Variants in ACTN4 observed in about 807,000 individuals in gnomAD.
ACTN4 encodes actinin alpha 4.
Under a neutral mutation model 114.2 loss-of-function variants are expected in ACTN4, and 18 were observed. That is an observed-to-expected ratio of 0.16 (90% confidence interval 0.11 to 0.23). The LOEUF (loss-of-function observed/expected upper bound fraction) is 0.23. Ranked by LOEUF, ACTN4 falls within the 10% of genes least tolerant of loss-of-function variation. The probability of loss-of-function intolerance (pLI) is 1.00; values close to 1 mark genes in which losing one functional copy is unlikely to be tolerated. For missense variants in ACTN4, 722 were observed against 1,262.9 expected, an observed-to-expected ratio of 0.57 and a Z score of 6.49; for synonymous variants, 515 against 506.3, an observed-to-expected ratio of 1.02 and a Z score of -0.23.
At chr19:38,710,818 G>A (rs1709165301) in intron 8 of ACTN4, 3 of 279,428 alleles carry the variant, frequency 1.1e-5, no homozygotes, top group South Asian at 7.3e-5. Flanking sequence ...AAGGCCCTGA[G>A]ACAGGAAGAA....
chr19:38,684,737 T>C (rs1967688196), intron 1 of ACTN4, among the ~76,000 whole-genome samples: 1 of 152,146 alleles, frequency 6.6e-6, no homozygotes, highest in East Asian at 1.9e-4. Flanking sequence ...GGCTATAGAA[T>C]CCTATTTTGA....
Position 38,717,859 on chromosome 19 carries a change from C to G in ACTN4, c.1144-68C>G, listed in dbSNP as rs1968896010. Reference sequence around the variant, plus strand: ...TTCTGCCACCTTCCCATCAGCATCCCTTGGAGACATCCCCCTGGGTGCCTC... The same window carrying G: ...TTCTGCCACCTTCCCATCAGCATCCGTTGGAGACATCCCCCTGGGTGCCTC... On this transcript the variant is annotated intron_variant, in intron 10 of 20. Transcript: ENST00000252699. This position sits in a 1 kb window ranked among gnomAD's most constrained non-coding sequence, Gnocchi z 4.0. 6.5e-7 allele frequency: 1 copy of G among 1,547,684 alleles called. No individual in the cohort carries two copies. Among genetic ancestry groups the G allele is most frequent in the Admixed American group, 2.0e-5 (1 of 51,210 alleles).
In ACTN4 at chr19:38,699,520, C is replaced by T. The variant is rs555582227; in HGVS notation, c.163-1080C>T. On this transcript the variant is annotated intron_variant, in intron 1 of 20. Coordinates refer to ENST00000252699, the MANE Select transcript of ACTN4 (RefSeq NM_004924.6). ...CTGTAATCCCAGCAGTTTGGGAGAC[C>T]GAGGCGGGTAGATCACTTGAGGCCA... Among the ~76,000 whole-genome samples the T allele has an allele frequency of 2.6e-4, 40 of 152,070 alleles. No homozygotes were observed. The South Asian group carries it at 5.0e-3, about 19-fold the overall frequency.
intron 8 of ACTN4, among the ~76,000 whole-genome samples, chr19:38,712,609 G>A (rs1177283618): frequency 6.6e-6 from 1 of 152,052 alleles, no homozygotes; most frequent in African/African-American, 2.4e-5. Flanking sequence ...TGTTTGGAGT[G>A]TTCTGCTAGA....
At chr19:38,703,796 G>A (rs2145004739) in intron 3 of ACTN4, among the ~76,000 whole-genome samples, 1 of 152,198 alleles carries the variant, frequency 6.6e-6, no homozygotes, top group East Asian at 1.9e-4. Context: ...CTGGGTGGCG[G>A]GTTGGGGAGC....
chr19:38,716,194 C>T (rs535627786), intron 9 of ACTN4, among the ~76,000 whole-genome samples: 22 of 152,352 alleles, frequency 1.4e-4, no homozygotes, highest in African/African-American at 4.6e-4. Flanking sequence ...TGTGAACCAG[C>T]GTGCCTGGCC....
chr19:38,712,496 C>A (rs1968689561), intron 8 of ACTN4, among the ~76,000 whole-genome samples: 1 of 152,262 alleles, frequency 6.6e-6, no homozygotes, highest in East Asian at 1.9e-4. Flanking sequence ...CGGCAGCTGC[C>A]ATTTAGGCAG....
At chr19:38,683,167 G>T (rs1967631639) in intron 1 of ACTN4, among the ~76,000 whole-genome samples, 1 of 152,184 alleles carries the variant, frequency 6.6e-6, no homozygotes, top group South Asian at 2.1e-4. Context: ...CCTGGGAGGG[G>T]CTATCTGGTG....
At chr19:38,715,566 C>G (rs1458336963) in intron 9 of ACTN4, among the ~76,000 whole-genome samples, 1 of 152,150 alleles carries the variant, frequency 6.6e-6, no homozygotes, top group East Asian at 1.9e-4. Context: ...CCAGTGGTTC[C>G]CAGATTTTGC....
intron 1 of ACTN4, among the ~76,000 whole-genome samples, chr19:38,661,172 A>C (rs913312440): frequency 6.6e-6 from 1 of 152,174 alleles, no homozygotes; most frequent in Non-Finnish European, 1.5e-5. Flanking sequence ...CTGCAAACTC[A>C]GTCCCTCTTA....
Position 38,669,211 on chromosome 19 carries a change from T to C in ACTN4, c.162+21304T>C, listed in dbSNP as rs149102911. 6.9e-3 allele frequency among the ~76,000 whole-genome samples: 1,055 copies of C among 152,306 alleles called. 11 individuals are homozygous for C. Among genetic ancestry groups the C allele is most frequent in the African/African-American group, 0.024 (1,002 of 41,562 alleles). On this transcript the variant is annotated intron_variant, in intron 1 of 20. Coordinates refer to ENST00000252699, the MANE Select transcript of ACTN4 (RefSeq NM_004924.6). ...CATGTTGGCCAGATTGGTCTCGAAT[T>C]CCTGACCTCAGGTGATCCACTGCCT...
At position 38,717,831 on chromosome 19, in the gene ACTN4, A is replaced by C; in HGVS notation, c.1144-96A>C. 1.3e-6 allele frequency: 2 copies of C among 1,511,508 alleles called. No individual in the cohort carries two copies. The allele number at this position is 1,511,508 out of a possible 1,614,324, so 93.6% of individuals were successfully genotyped here. On this transcript the variant is annotated intron_variant, in intron 10 of 20. Coordinates refer to ENST00000252699, the MANE Select transcript of ACTN4 (RefSeq NM_004924.6). The surrounding 1 kb of genome is among the most constrained non-coding windows in gnomAD (Gnocchi z 4.0). ...GCATGACACAGACATGACCCCAGCC[A>C]AGTTCTGCCACCTTCCCATCAGCAT...
At chr19:38,659,530 C>G (rs1976816475) in intron 1 of ACTN4, among the ~76,000 whole-genome samples, 1 of 152,146 alleles carries the variant, frequency 6.6e-6, no homozygotes, top group Non-Finnish European at 1.5e-5. Context: ...CTCAGAGATT[C>G]ACAGGAAGCA....
chr19:38,668,601 G>A (rs193302117), intron 1 of ACTN4, among the ~76,000 whole-genome samples: 77 of 152,300 alleles, frequency 5.1e-4, no homozygotes, highest in African/African-American at 1.6e-3. Flanking sequence ...CAGGGGAATT[G>A]CTTGAACCTG....
chr19:38,658,025 G>A lies in ACTN4; in HGVS notation c.162+10118G>A, dbSNP rs1976762938. On this transcript the variant is annotated intron_variant, in intron 1 of 20. Coordinates refer to ENST00000252699, the MANE Select transcript of ACTN4 (RefSeq NM_004924.6). The stretch of plus-strand genomic sequence containing the variant: ...TTTGGGGAGTGCCCTCATACCAGAG[G>A]CAGTGCTAATGGTGGAGTGTTAGGC... Among the ~76,000 whole-genome samples, 3 of 152,224 alleles carry A rather than the reference G, an allele frequency of 2.0e-5. No individual in the cohort carries two copies. The South Asian group carries it at 6.2e-4, about 32-fold the overall frequency.
At chr19:38,714,621 T>A in intron 9 of ACTN4, 60 bp downstream of exon 9, 3 of 1,548,664 alleles carry the variant, frequency 1.9e-6, no homozygotes, top group Admixed American at 3.4e-5. Context: ...GAGGTCACTG[T>A]GACTCTTGCA....
At chr19:38,660,648 A>AG (rs1438830187) in intron 1 of ACTN4, among the ~76,000 whole-genome samples, 1 of 152,070 alleles carries the variant, frequency 6.6e-6, no homozygotes, top group East Asian at 1.9e-4. Context: ...CACCCGCCTC[A>AG]GCCACCCCAA....
chr19:38,706,263 G>C (rs537646804), intron 5 of ACTN4, 132 bp downstream of exon 5: 42 of 940,062 alleles, frequency 4.5e-5, no homozygotes, highest in African/African-American at 3.1e-4. Context: ...CCCTGGCCAC[G>C]GGCCCTACAA....
chr19:38,659,921 CT>C (rs3033328), intron 1 of ACTN4, among the ~76,000 whole-genome samples: 121 of 131,982 alleles, frequency 9.2e-4, no homozygotes, highest in African/African-American at 1.5e-3. Flanking sequence ...TCTATATGAT[CT>C]TTTTTTTTTT....
Sources: gnomAD v4.1 joint callset for allele counts (sites outside exome capture counted in the v4.1 genomes callset) on GRCh38, gnomAD v4.1.1 for gene constraint, Gnocchi (gnomAD v3.1) non-coding constraint, MANE v1.5 for transcripts, NCBI Gene and HGNC (gene_info 2026-07-23, HGNC 2026-07-21) for gene names.